CNTNAP5: variants seen among roughly 807,000 people sequenced by gnomAD.
CNTNAP5 encodes contactin-associated protein-like 5.
CNTNAP5 carries 72 observed loss-of-function variants against 150.2 expected under a neutral mutation model. The ratio of observed to expected loss-of-function variants is 0.48; its 90% CI spans 0.40 to 0.58. The LOEUF (loss-of-function observed/expected upper bound fraction) is 0.58. Among genes scored for constraint, CNTNAP5 ranks in the 20% least tolerant of loss-of-function variants. The probability of loss-of-function intolerance (pLI) is 0.00; values close to 1 mark genes in which losing one functional copy is unlikely to be tolerated. For missense variants in CNTNAP5, 1,636 were observed against 1,626.2 expected, an observed-to-expected ratio of 1.01 and a Z score of -0.10; for synonymous variants, 672 against 619.8, an observed-to-expected ratio of 1.08 and a Z score of -1.25.
rs899658814 is a variant in CNTNAP5, at chr2:124,921,100, A to C, written c.*6812A>C. Among the ~76,000 whole-genome samples the C allele has an allele frequency of 6.6e-6, 1 of 152,194 alleles. No homozygotes were observed. Among genetic ancestry groups the C allele is most frequent in the African/African-American group, 2.4e-5 (1 of 41,464 alleles). On this transcript the variant is annotated 3_prime_UTR_variant, in exon 24 of 24. Transcript: ENST00000682447. ...TTAATACACTGTATGGGGAAAAAAT[A>C]AAAGTTAGCCTTAGATTTCTTTGTT...
chr2:124,708,520 A>G (rs910481873), intron 13 of CNTNAP5, among the ~76,000 whole-genome samples: 2 of 152,166 alleles, frequency 1.3e-5, no homozygotes, highest in Non-Finnish European at 2.9e-5. Context: ...AAAGAAGCCA[A>G]ACAAAGGCGG....
At chr2:124,039,892 GT>G (rs957213509) in intron 1 of CNTNAP5, among the ~76,000 whole-genome samples, 7 of 151,760 alleles carry the variant, frequency 4.6e-5, no homozygotes, top group Admixed American at 1.3e-4. Flanking sequence ...TTTATTTTTA[GT>G]TTTTTTTCAT....
intron 3 of CNTNAP5, among the ~76,000 whole-genome samples, chr2:124,375,324 TCAC>T (rs777216272): frequency 6.6e-6 from 1 of 152,098 alleles, no homozygotes; most frequent in African/African-American, 2.4e-5. Context: ...AAGATTAACA[TCAC>T]CAATGAAAAA....
intron 1 of CNTNAP5, among the ~76,000 whole-genome samples, chr2:124,189,741 G>T (rs1056217671): frequency 1.3e-5 from 2 of 152,164 alleles, no homozygotes; most frequent in Non-Finnish European, 2.9e-5. Flanking sequence ...CAAGACTTTT[G>T]TTGGCATCTA....
chr2:124,572,752 G>A lies in CNTNAP5; in HGVS notation c.1756+9429G>A, dbSNP rs558525391. Among the ~76,000 whole-genome samples the A allele has an allele frequency of 1.7e-4, 26 of 152,184 alleles. No individual in the cohort carries two copies. The South Asian group carries it at 2.7e-3, about 16-fold the overall frequency. On this transcript the variant is annotated intron_variant, in intron 11 of 23. Coordinates refer to ENST00000682447, the MANE Select transcript of CNTNAP5 (RefSeq NM_001367498.1). Reference sequence around the variant, plus strand: ...AGCTCTAGCCCTGTTAGACTCCGGCGGCTCTTCAAACAACTAGACCTTCAG... The same window carrying A: ...AGCTCTAGCCCTGTTAGACTCCGGCAGCTCTTCAAACAACTAGACCTTCAG...
intron 1 of CNTNAP5, among the ~76,000 whole-genome samples, chr2:124,083,376 A>G (rs529708575): frequency 1.1e-4 from 17 of 152,242 alleles, no homozygotes; most frequent in African/African-American, 3.9e-4. Flanking sequence ...AAATAAATAA[A>G]TAAATAAAAT....
chr2:124,124,430 C>T lies in CNTNAP5; in HGVS notation c.83-97275C>T, dbSNP rs543228518. On this transcript the variant is annotated intron_variant, in intron 1 of 23. Coordinates refer to ENST00000682447, the MANE Select transcript of CNTNAP5 (RefSeq NM_001367498.1). ...GGACTATGTGAAAAGACCAAATCTACGTCTGATTGGTGTACCTAAAAGAGA... is the reference window on the plus strand; with the variant it reads ...GGACTATGTGAAAAGACCAAATCTATGTCTGATTGGTGTACCTAAAAGAGA... Among the ~76,000 whole-genome samples the T allele has an allele frequency of 7.2e-4, 110 of 152,278 alleles. No individual in the cohort carries two copies. The South Asian group carries it at 0.017, about 24-fold the overall frequency.
intron 1 of CNTNAP5, among the ~76,000 whole-genome samples, chr2:124,112,155 G>A (rs1683312940): frequency 6.6e-6 from 1 of 152,302 alleles, no homozygotes. Context: ...GGCTTTTTAA[G>A]TATTCACAGG....
chr2:124,689,719 T>C (rs1040591851), intron 13 of CNTNAP5, among the ~76,000 whole-genome samples: 2 of 152,192 alleles, frequency 1.3e-5, no homozygotes, highest in African/African-American at 4.8e-5. Flanking sequence ...AGTCAGTATC[T>C]CTGCAGCATA....
intron 21 of CNTNAP5, among the ~76,000 whole-genome samples, chr2:124,870,078 T>C (rs185058437): frequency 3.4e-4 from 52 of 152,188 alleles, no homozygotes; most frequent in African/African-American, 1.1e-3. Flanking sequence ...TATGAGTGCA[T>C]ACATTAAGGA....
chr2:124,615,579 T>C (rs570819116), intron 12 of CNTNAP5, among the ~76,000 whole-genome samples: 81 of 152,314 alleles, frequency 5.3e-4, no homozygotes, highest in African/African-American at 1.8e-3. Flanking sequence ...ACTGAAGTAA[T>C]GAACTTCTCA....
At chr2:124,394,107 C>A (rs113290973) in intron 3 of CNTNAP5, among the ~76,000 whole-genome samples, 1,672 of 152,040 alleles carry the variant, frequency 0.011, 24 homozygotes, top group African/African-American at 0.038. Context: ...CACGGTGGCT[C>A]GCAGTTGTAA....
At chr2:124,696,286 C>T (rs1286697142) in intron 13 of CNTNAP5, among the ~76,000 whole-genome samples, 1 of 152,136 alleles carries the variant, frequency 6.6e-6, no homozygotes, top group Non-Finnish European at 1.5e-5. Context: ...AGGCAGGAAA[C>T]AATGCAGTGA....
chr2:124,025,480 C>T lies in CNTNAP5; in HGVS notation c.-171C>T, dbSNP rs1680855104. 3.2e-6 allele frequency: 2 copies of T among 619,998 alleles called. No homozygotes were observed. Among genetic ancestry groups the T allele is most frequent in the Admixed American group, 5.2e-5 (2 of 38,706 alleles). 38.4% of individuals were successfully genotyped at this position (619,998 alleles called of 1,614,324 possible). A position where few individuals can be genotyped will look rare whatever the true frequency, so the allele number is the denominator to read the frequency against. Reference sequence around the variant, plus strand: ...GCTGCAGCTCCGAAGAATCCCCCGCCACGGTTTCGGTGGAGCGTCTGGGCA... The same window carrying T: ...GCTGCAGCTCCGAAGAATCCCCCGCTACGGTTTCGGTGGAGCGTCTGGGCA... On this transcript the variant is annotated 5_prime_UTR_variant, in exon 1 of 24. Coordinates refer to ENST00000682447, the MANE Select transcript of CNTNAP5 (RefSeq NM_001367498.1).
chr2:124,913,400 T>C (rs2104770676), intron 23 of CNTNAP5, among the ~76,000 whole-genome samples: 1 of 152,118 alleles, frequency 6.6e-6, no homozygotes, highest in South Asian at 2.1e-4. Flanking sequence ...GCTTGCAACA[T>C]AATCCAGTTA....
intron 10 of CNTNAP5, among the ~76,000 whole-genome samples, chr2:124,546,396 CCT>C (rs1695511244): frequency 6.6e-6 from 1 of 151,620 alleles, no homozygotes; most frequent in African/African-American, 2.4e-5. Flanking sequence ...AAGTGTGCAT[CCT>C]CATGCTTATA....
intron 1 of CNTNAP5, among the ~76,000 whole-genome samples, chr2:124,215,888 C>A (rs1288175739): frequency 6.6e-6 from 1 of 152,106 alleles, no homozygotes; most frequent in Admixed American, 6.5e-5. Flanking sequence ...TGGTTACCTG[C>A]CTTCTGCAAA....
In CNTNAP5 at chr2:124,679,621, GT is replaced by G. The variant is rs574051656; in HGVS notation, c.2077+31665del. ...GGGGGACAGGGTCTCTGTCATTCAG[GT>G]TGGAGTGCAGTGATGCAATCACTGC... On this transcript the variant is annotated intron_variant, in intron 13 of 23. Transcript: ENST00000682447. 7.3e-4 allele frequency among the ~76,000 whole-genome samples: 111 copies of G among 151,542 alleles called. 4 individuals carry two copies. The South Asian group carries it at 0.022, about 31-fold the overall frequency.
chr2:124,760,166 T>A (rs1253879477), intron 14 of CNTNAP5, among the ~76,000 whole-genome samples: 3 of 151,454 alleles, frequency 2.0e-5, no homozygotes, highest in African/African-American at 7.3e-5. Context: ...GGGTGTGGGG[T>A]CTCTTGAGGT....
Sources: allele counts gnomAD v4.1 joint callset (sites outside exome capture counted in the v4.1 genomes callset), GRCh38; gene constraint gnomAD v4.1.1; transcripts MANE v1.5; gene names NCBI Gene and HGNC (gene_info 2026-07-23, HGNC 2026-07-21).